VDAC1: variants seen among roughly 807,000 people sequenced by gnomAD.
VDAC1 encodes voltage dependent anion channel 1, also known as non-selective voltage-gated ion channel VDAC1.
Under a neutral mutation model 34.7 loss-of-function variants are expected in VDAC1, and 10 were observed. The observed-to-expected ratio is 0.29, with a 90% confidence interval of 0.18 to 0.49. The LOEUF (loss-of-function observed/expected upper bound fraction) is 0.49. Among genes scored for constraint, VDAC1 ranks in the 20% least tolerant of loss-of-function variants. The probability of loss-of-function intolerance (pLI) is 0.99; values close to 1 mark genes in which losing one functional copy is unlikely to be tolerated. For missense variants in VDAC1, 230 were observed against 347.9 expected (o/e 0.66, Z 2.69); for synonymous variants, 130 against 136.0 (o/e 0.96, Z 0.30).
At chr5:134,112,991 G>A in the VDAC1 span, among the ~76,000 whole-genome samples, 39 of 152,164 alleles carry the variant, frequency 2.6e-4, no homozygotes, top group African/African-American at 9.4e-4. Flanking sequence ...GGGCAGATCC[G>A]GATTCCCTTT....
chr5:133,996,497 A>C (rs537999839), intron 1 of VDAC1, among the ~76,000 whole-genome samples: 1 of 152,256 alleles, frequency 6.6e-6, no homozygotes, highest in Non-Finnish European at 1.5e-5. Context: ...TTGGGGGTAC[A>C]CATCCTTCTT....
chr5:134,113,319 G>T, the VDAC1 span, among the ~76,000 whole-genome samples: 1 of 152,244 alleles, frequency 6.6e-6, no homozygotes, highest in Admixed American at 6.5e-5. Flanking sequence ...GGCGGGGGAG[G>T]GGGGTGTGGG....
chr5:134,058,732 G>A, the VDAC1 span, among the ~76,000 whole-genome samples: 1 of 152,180 alleles, frequency 6.6e-6, no homozygotes, highest in Non-Finnish European at 1.5e-5. Context: ...AGCAAAGATG[G>A]AGCCTATCAT....
the VDAC1 span, among the ~76,000 whole-genome samples, chr5:134,085,720 T>A: frequency 1.1e-3 from 20 of 17,412 alleles, 1 homozygote; most frequent in African/African-American, 3.2e-3. Context: ...AGACCCCATT[T>A]CTAAAAAAAA....
At chr5:134,046,224 TTCA>T in the VDAC1 span, among the ~76,000 whole-genome samples, 1 of 151,584 alleles carries the variant, frequency 6.6e-6, no homozygotes, top group Admixed American at 6.6e-5. Context: ...GAGACGGGGT[TTCA>T]TCGTGTTAGC....
chr5:133,976,120 A>G (rs1250263006), intron 6 of VDAC1, 99 bp from the exon 7 acceptor site: 6 of 1,474,418 alleles, frequency 4.1e-6, no homozygotes, highest in Non-Finnish European at 5.6e-6. Flanking sequence ...GATGACAGAA[A>G]TGGACTGAAC....
the VDAC1 span, among the ~76,000 whole-genome samples, chr5:134,066,154 T>C: frequency 6.6e-6 from 1 of 151,974 alleles, no homozygotes; most frequent in Admixed American, 6.6e-5. Context: ...TTGCCCAGGC[T>C]GGAGAGTGCT....
the VDAC1 span, among the ~76,000 whole-genome samples, chr5:134,020,530 C>A: frequency 6.6e-6 from 1 of 152,100 alleles, no homozygotes; most frequent in Non-Finnish European, 1.5e-5. Context: ...TTCCTCCCTA[C>A]TTGGTGTGGC....
At chr5:134,114,363 G>GC in the VDAC1 span, among the ~76,000 whole-genome samples, 4 of 152,240 alleles carry the variant, frequency 2.6e-5, no homozygotes, top group South Asian at 6.2e-4. Flanking sequence ...GGTAAGCCAC[G>GC]CCCAAGTCCC....
the VDAC1 span, among the ~76,000 whole-genome samples, chr5:134,080,385 G>A: frequency 5.9e-5 from 9 of 151,590 alleles, no homozygotes; most frequent in Admixed American, 4.6e-4. Flanking sequence ...CCTGCATTGC[G>A]TGAACTCCCT....
intron 5 of VDAC1, among the ~76,000 whole-genome samples, chr5:133,990,237 A>C (rs566184138): frequency 6.6e-6 from 1 of 152,332 alleles, no homozygotes; most frequent in South Asian, 2.1e-4. Context: ...GCCACCTTGC[A>C]GTTACACCCA....
chr5:134,103,927 C>T, the VDAC1 span, among the ~76,000 whole-genome samples: 2 of 152,188 alleles, frequency 1.3e-5, no homozygotes, highest in Non-Finnish European at 2.9e-5. Context: ...AGTAGAAAGG[C>T]AGGCTCATCT....
chr5:134,073,376 C>T, the VDAC1 span, among the ~76,000 whole-genome samples: 1 of 152,212 alleles, frequency 6.6e-6, no homozygotes, highest in Non-Finnish European at 1.5e-5. Flanking sequence ...TCCCAGTCCT[C>T]CTGAATCAGA....
chr5:133,988,898 G>A (rs1045479848), intron 5 of VDAC1: 9 of 152,500 alleles, frequency 5.9e-5, no homozygotes, highest in African/African-American at 2.2e-4. Context: ...CTATCCCAGG[G>A]CAGCAGGCAA....
the VDAC1 span, among the ~76,000 whole-genome samples, chr5:134,114,421 G>A: frequency 6.6e-6 from 1 of 152,200 alleles, no homozygotes; most frequent in African/African-American, 2.4e-5. Context: ...AGAAACCTGG[G>A]CGCAGAAAGC....
At chr5:134,099,136 T>C in the VDAC1 span, among the ~76,000 whole-genome samples, 1 of 152,142 alleles carries the variant, frequency 6.6e-6, no homozygotes, top group African/African-American at 2.4e-5. Flanking sequence ...GCAGGACTCA[T>C]TGAAACTTAC....
the VDAC1 span, among the ~76,000 whole-genome samples, chr5:134,036,750 G>C: frequency 6.6e-6 from 1 of 151,636 alleles, no homozygotes; most frequent in Non-Finnish European, 1.5e-5. Context: ...TCAGGAGATC[G>C]AGACCATCCT....
the VDAC1 span, among the ~76,000 whole-genome samples, chr5:134,103,747 C>T: frequency 3.9e-3 from 589 of 152,346 alleles, 4 homozygotes; most frequent in African/African-American, 0.014. Context: ...TGTTTACCAG[C>T]GCCGCCACAC....
At chr5:133,980,681 ATGCTCCAACCCCACCCCTCCCACCC>A in intron 6 of VDAC1, 23 bp downstream of exon 6, 4 of 878,028 alleles carry the variant, frequency 4.6e-6, no homozygotes, top group Non-Finnish European at 7.1e-6. Flanking sequence ...CTTACCACAC[ATGCTCCAACCCCACCCCTCCCACCC>A]TGCTGCCCCC....
Sources: gnomAD v4.1 joint callset for allele counts (sites outside exome capture counted in the v4.1 genomes callset) on GRCh38, gnomAD v4.1.1 for gene constraint, MANE v1.5 for transcripts, NCBI Gene and HGNC (gene_info 2026-07-23, HGNC 2026-07-21) for gene names.